Variants in TMEM178B observed in about 807,000 individuals in gnomAD.
The protein encoded by TMEM178B is transmembrane protein 178B.
In TMEM178B, 5 loss-of-function variants were observed where a neutral mutation model predicts 31.0. The observed-to-expected ratio is 0.16, with a 90% CI of 0.08 to 0.34. The LOEUF is 0.34. Ranked by LOEUF, TMEM178B falls within the 10% of genes least tolerant of loss-of-function variation. TMEM178B has a pLI of 1.00. For synonymous variants in TMEM178B, 164 were observed against 164.0 expected, an observed-to-expected ratio of 1.00 and a Z score of 0.00; for missense variants, 275 against 400.3, an observed-to-expected ratio of 0.69 and a Z score of 2.67.
intron 1 of TMEM178B, among the ~76,000 whole-genome samples, chr7:141,163,035 G>A (rs982115508): frequency 6.6e-6 from 1 of 152,224 alleles, no homozygotes; most frequent in South Asian, 2.1e-4. Context: ...CAACCACAAA[G>A]CCTCCGTGGC....
intron 2 of TMEM178B, among the ~76,000 whole-genome samples, chr7:141,410,757 G>T (rs1157544479): frequency 1.3e-5 from 2 of 152,116 alleles, no homozygotes; most frequent in African/African-American, 2.4e-5. Context: ...AGGTTGAGAG[G>T]ACTGTGTATA....
At chr7:141,187,436 T>C (rs1350439422) in intron 1 of TMEM178B, among the ~76,000 whole-genome samples, 3 of 152,192 alleles carry the variant, frequency 2.0e-5, no homozygotes, top group Non-Finnish European at 4.4e-5. Context: ...GCATGATTTA[T>C]AATCCTTTGG....
intron 2 of TMEM178B, among the ~76,000 whole-genome samples, chr7:141,229,088 A>ATGTG (rs1179402147): frequency 1.1e-5 from 1 of 87,260 alleles, no homozygotes; most frequent in Non-Finnish European, 2.4e-5. Context: ...TTGCAAAATG[A>ATGTG]TGTGTGTGTG....
At position 141,315,087 on chromosome 7, in the gene TMEM178B, T is replaced by G. The variant is rs139476582; in HGVS notation, c.496+102383T>G. Among the ~76,000 whole-genome samples, 35 of 152,320 alleles carry G rather than the reference T, an allele frequency of 2.3e-4. 2 individuals carry two copies. In the East Asian group the frequency reaches 5.4e-3, roughly 24 times the overall value. On this transcript the variant is annotated intron_variant, in intron 2 of 3. Coordinates refer to ENST00000565468, the MANE Select transcript of TMEM178B (RefSeq NM_001195278.2). ...GTTCTGTTTTGGGGCATGTATCCAA[T>G]CAGTTGCCCAGGCCTGCATCATAGT...
chr7:141,215,909 TTTC>T lies in TMEM178B; in HGVS notation c.496+3208_496+3210del, dbSNP rs869217384. ...CTTCCTTTCCTTCTTTCTTTCTTTC[TTTC>T]TTTTTTTTTTTTTGACAGAGTCTTG... On this transcript the variant is annotated intron_variant, in intron 2 of 3. Coordinates refer to ENST00000565468, the MANE Select transcript of TMEM178B (RefSeq NM_001195278.2). Among the ~76,000 whole-genome samples the T allele has an allele frequency of 8.3e-4, 118 of 142,780 alleles. 3 individuals carry two copies. Among genetic ancestry groups the T allele is most frequent in the East Asian group, 7.6e-3 (37 of 4,896 alleles). The allele number at this position is 142,780 out of a possible 152,430, so 93.7% of individuals were successfully genotyped here. A position where few individuals can be genotyped will look rare whatever the true frequency, so the allele number is the denominator to read the frequency against.
chr7:141,346,148 G>A (rs1283317942), intron 2 of TMEM178B, among the ~76,000 whole-genome samples: 2 of 151,838 alleles, frequency 1.3e-5, no homozygotes, highest in African/African-American at 2.4e-5. Context: ...GAGAACCCAG[G>A]AAGTGGAGCT....
chr7:141,340,600 T>A (rs1799500846), intron 2 of TMEM178B, among the ~76,000 whole-genome samples: 1 of 152,186 alleles, frequency 6.6e-6, no homozygotes, highest in African/African-American at 2.4e-5. Flanking sequence ...ATTGTGGCCA[T>A]ACCACCACCT....
chr7:141,427,970 G>A (rs181317905), intron 2 of TMEM178B, among the ~76,000 whole-genome samples: 21 of 152,234 alleles, frequency 1.4e-4, no homozygotes, highest in East Asian at 5.8e-4. Context: ...ATCACTAATC[G>A]TCAGGGAAAT....
intron 2 of TMEM178B, among the ~76,000 whole-genome samples, chr7:141,224,093 G>A (rs998369574): frequency 1.3e-5 from 2 of 152,082 alleles, no homozygotes; most frequent in Admixed American, 6.5e-5. Context: ...TTTATAAAGC[G>A]TTTCCCGTTT....
chr7:141,133,444 A>G (rs1213590373), intron 1 of TMEM178B, among the ~76,000 whole-genome samples: 1 of 152,164 alleles, frequency 6.6e-6, no homozygotes, highest in African/African-American at 2.4e-5. Context: ...TGAATGAGAT[A>G]AAAAATACAA....
chr7:141,252,784 T>G (rs182198720), intron 2 of TMEM178B, among the ~76,000 whole-genome samples: 14 of 152,320 alleles, frequency 9.2e-5, no homozygotes, highest in African/African-American at 3.4e-4. Flanking sequence ...GATGTGTTGT[T>G]GTCCAAAGTC....
At chr7:141,258,926 T>A (rs1487275406) in intron 2 of TMEM178B, among the ~76,000 whole-genome samples, 1 of 152,242 alleles carries the variant, frequency 6.6e-6, no homozygotes, top group African/African-American at 2.4e-5. Flanking sequence ...TTGACTATAA[T>A]GAGCCTGAGT....
intron 2 of TMEM178B, among the ~76,000 whole-genome samples, chr7:141,349,951 C>T (rs1799685843): frequency 4.0e-5 from 6 of 150,552 alleles, no homozygotes. Flanking sequence ...ATCCATGCAT[C>T]CATGCATCCA....
At chr7:141,276,262 G>A (rs1798264835) in intron 2 of TMEM178B, among the ~76,000 whole-genome samples, 1 of 152,186 alleles carries the variant, frequency 6.6e-6, no homozygotes, top group South Asian at 2.1e-4. Flanking sequence ...GTGGAAACAA[G>A]CATGAGTCAG....
rs374426448 is a variant in TMEM178B at position 141,077,898 on chromosome 7, A to G, written c.382+3206A>G. 1.4e-4 allele frequency among the ~76,000 whole-genome samples: 22 copies of G among 152,364 alleles called. No homozygotes were observed. The South Asian group carries it at 4.6e-3, about 32-fold the overall frequency. On this transcript the variant is annotated intron_variant, in intron 1 of 3. Transcript: ENST00000565468. ...ACGATTTCTTGAGCTTTGCCAAAGA[A>G]TAAGGAAAACAGACAATTCTGTTTT...
At chr7:141,085,150 A>ATTT (rs61516388) in intron 1 of TMEM178B, among the ~76,000 whole-genome samples, 2 of 74,540 alleles carry the variant, frequency 2.7e-5, no homozygotes, top group East Asian at 4.1e-4. Context: ...GCTAATTTGT[A>ATTT]TTTTTTTTTT....
intron 3 of TMEM178B, among the ~76,000 whole-genome samples, chr7:141,451,838 C>A (rs144920728): frequency 6.6e-5 from 10 of 152,274 alleles, no homozygotes; most frequent in Admixed American, 1.3e-4. Context: ...CCACTACCAA[C>A]CCACTTCATC....
the TMEM178B span, among the ~76,000 whole-genome samples, chr7:141,488,515 C>T: frequency 6.6e-6 from 1 of 152,010 alleles, no homozygotes; most frequent in Non-Finnish European, 1.5e-5. Context: ...TCTTGGCTGA[C>T]TGCAACCTCT....
At chr7:141,281,050 C>T (rs188361489) in intron 2 of TMEM178B, among the ~76,000 whole-genome samples, 20 of 152,188 alleles carry the variant, frequency 1.3e-4, no homozygotes, top group African/African-American at 4.8e-4. Flanking sequence ...TGCTCTGCAC[C>T]CTCTCCTGGG....
Sources: allele counts gnomAD v4.1 joint callset (sites outside exome capture counted in the v4.1 genomes callset), GRCh38; gene constraint gnomAD v4.1.1; transcripts MANE v1.5; gene names NCBI Gene and HGNC (gene_info 2026-07-23, HGNC 2026-07-21).